Variants in PPP4R2 observed in about 807,000 individuals in gnomAD.
PPP4R2 encodes protein phosphatase 4 regulatory subunit 2.
A neutral mutation model predicts 47.2 loss-of-function variants in PPP4R2; 13 were observed. The observed-to-expected ratio is 0.28, with a 90% CI of 0.18 to 0.44. PPP4R2 has a LOEUF of 0.44. Ranked by LOEUF, PPP4R2 falls within the 20% of genes least tolerant of loss-of-function variation. The pLI is 1.00. For synonymous variants in PPP4R2, 151 were observed against 163.3 expected, an observed-to-expected ratio of 0.92 and a Z score of 0.57; for missense variants, 421 against 491.2, an observed-to-expected ratio of 0.86 and a Z score of 1.35.
chr3:73,009,915 T>C (rs1701687761), intron 2 of PPP4R2, among the ~76,000 whole-genome samples: 1 of 152,220 alleles, frequency 6.6e-6, no homozygotes, highest in Non-Finnish European at 1.5e-5. Flanking sequence ...CCATGAGCAG[T>C]CCTGTTGATG....
chr3:72,999,254 G>C (rs946411036), intron 2 of PPP4R2, among the ~76,000 whole-genome samples: 23 of 152,176 alleles, frequency 1.5e-4, no homozygotes, highest in African/African-American at 5.3e-4. Flanking sequence ...CCCTCTGGGC[G>C]GGGGAAGTCA....
intron 2 of PPP4R2, among the ~76,000 whole-genome samples, chr3:73,018,452 T>G (rs551771607): frequency 6.2e-5 from 6 of 96,484 alleles, no homozygotes; most frequent in African/African-American, 1.8e-4. Flanking sequence ...TGTTATGTTA[T>G]TTATGTTATG....
At chr3:73,012,581 G>A (rs1218275397) in intron 2 of PPP4R2, among the ~76,000 whole-genome samples, 1 of 152,214 alleles carries the variant, frequency 6.6e-6, no homozygotes, top group Non-Finnish European at 1.5e-5. Flanking sequence ...GGCTACAGGC[G>A]TGAGCCACTG....
At chr3:73,022,235 T>A (rs1393277469) in intron 2 of PPP4R2, among the ~76,000 whole-genome samples, 4 of 152,162 alleles carry the variant, frequency 2.6e-5, no homozygotes, top group Non-Finnish European at 5.9e-5. Flanking sequence ...TTTATCAGCA[T>A]TGGCCTGTAC....
At chr3:73,036,268 T>C (rs975418196) in intron 2 of PPP4R2, among the ~76,000 whole-genome samples, 1 of 152,148 alleles carries the variant, frequency 6.6e-6, no homozygotes, top group African/African-American at 2.4e-5. Context: ...CAGGAATGAA[T>C]AGAAATTGGT....
chr3:73,050,325 G>C (rs1368269030), intron 3 of PPP4R2, among the ~76,000 whole-genome samples: 1 of 152,052 alleles, frequency 6.6e-6, no homozygotes, highest in African/African-American at 2.4e-5. Flanking sequence ...TGAGCAGGCA[G>C]AATCTAAGTC....
intron 2 of PPP4R2, among the ~76,000 whole-genome samples, chr3:73,005,488 G>A (rs757286502): frequency 2.6e-5 from 4 of 151,980 alleles, no homozygotes; most frequent in Non-Finnish European, 5.9e-5. Context: ...CTATATTGCT[G>A]CATCTTTGCA....
chr3:73,011,491 A>AAATTTGG (rs1362639982), intron 2 of PPP4R2, among the ~76,000 whole-genome samples: 1 of 152,082 alleles, frequency 6.6e-6, no homozygotes, highest in African/African-American at 2.4e-5. Flanking sequence ...AGAAAAAAAA[A>AAATTTGG]AATTTGGAGC....
chr3:73,035,529 C>T (rs1702245562), intron 2 of PPP4R2, among the ~76,000 whole-genome samples: 1 of 152,168 alleles, frequency 6.6e-6, no homozygotes, highest in Admixed American at 6.5e-5. Flanking sequence ...CCTCAGAAAC[C>T]TAAAAATAGG....
chr3:73,003,151 C>T (rs996546038), intron 2 of PPP4R2, among the ~76,000 whole-genome samples: 1 of 151,728 alleles, frequency 6.6e-6, no homozygotes, highest in Non-Finnish European at 1.5e-5. Context: ...CTATTTCTAG[C>T]CCCCATTTAA....
intron 2 of PPP4R2, among the ~76,000 whole-genome samples, chr3:73,015,431 CCT>C (rs1196309647): frequency 6.6e-6 from 1 of 151,154 alleles, no homozygotes; most frequent in Non-Finnish European, 1.5e-5. Context: ...CCCGCGTTGG[CCT>C]CCCAAAGTTG....
At position 73,048,130 on chromosome 3, in the gene PPP4R2, C is replaced by T. The variant is rs1045253341; in HGVS notation, c.287+774C>T. ...GACCTCATGATCCGCCTGCCTCGGC[C>T]TCCCAAAGTGCTGGAATTACAGGCG... On this transcript the variant is annotated intron_variant, in intron 3 of 8. Transcript: ENST00000356692. Among the ~76,000 whole-genome samples the T allele has an allele frequency of 2.6e-5, 4 of 152,292 alleles. No homozygotes were observed. In the East Asian group the frequency reaches 5.8e-4, roughly 22 times the overall value.
chr3:73,026,069 GT>G (rs1689937577), intron 2 of PPP4R2, among the ~76,000 whole-genome samples: 2 of 152,084 alleles, frequency 1.3e-5, no homozygotes. Context: ...ATTAGTAGTA[GT>G]CATGCTACAA....
At chr3:73,039,713 G>A (rs9870408) in intron 2 of PPP4R2, among the ~76,000 whole-genome samples, 80,144 of 151,830 alleles carry the variant, frequency 0.53, 21,510 homozygotes, top group African/African-American at 0.62. Flanking sequence ...ACATCCTCCA[G>A]TACAAAGGAC....
chr3:73,062,802 G>GTAT, intron 5 of PPP4R2: 1 of 1,613,950 alleles, frequency 6.2e-7, no homozygotes, highest in Non-Finnish European at 8.5e-7. Context: ...ATCAGCCATA[G>GTAT]GTTGGATCAG....
chr3:73,014,934 C>T, intron 2 of PPP4R2: 1 of 689,628 alleles, frequency 1.5e-6, no homozygotes, highest in Non-Finnish European at 2.6e-6. Context: ...GAAACCCTGG[C>T]CTCAAGTGAT....
At chr3:73,003,255 A>G (rs1444316261) in intron 2 of PPP4R2, among the ~76,000 whole-genome samples, 2 of 149,024 alleles carry the variant, frequency 1.3e-5, no homozygotes, top group African/African-American at 5.0e-5. Context: ...TCTGTTGCCC[A>G]GGCTGGAGTG....
At chr3:73,004,873 GTT>G (rs879603709) in intron 2 of PPP4R2, among the ~76,000 whole-genome samples, 887 of 57,894 alleles carry the variant, frequency 0.015, 11 homozygotes, top group African/African-American at 0.039. Context: ...GTGTGTGTTT[GTT>G]TGTTTGTTTG....
rs763378814 is a variant in PPP4R2, at chr3:73,064,160, A to G, written c.638+14A>G. ...GAAAAATCACAGGTTTGTATGTTTTATATTTAAAAACAGTGTTTTTATTAA... is the reference window on the plus strand; with the variant it reads ...GAAAAATCACAGGTTTGTATGTTTTGTATTTAAAAACAGTGTTTTTATTAA... On this transcript the variant is annotated intron_variant, in intron 7 of 8. Coordinates refer to ENST00000356692, the MANE Select transcript of PPP4R2 (RefSeq NM_174907.4). The G allele has an allele frequency of 6.3e-7, 1 of 1,591,856 alleles. No homozygotes were observed. The highest frequency in any genetic ancestry group is 2.2e-5 in the East Asian group (1 of 44,690).
Sources: allele counts gnomAD v4.1 joint callset (sites outside exome capture counted in the v4.1 genomes callset), GRCh38; gene constraint gnomAD v4.1.1; transcripts MANE v1.5; gene names NCBI Gene and HGNC (gene_info 2026-07-23, HGNC 2026-07-21).